Variants in BTK observed in about 807,000 individuals in gnomAD.
The protein encoded by BTK is tyrosine-protein kinase BTK.
BTK carries 5 observed loss-of-function variants against 57.4 expected under a neutral mutation model. The observed-to-expected ratio is 0.09, with a 90% confidence interval of 0.05 to 0.18. BTK has a LOEUF of 0.18. Ranked by LOEUF, BTK falls within the 10% of genes least tolerant of loss-of-function variation. The pLI, the probability that BTK is intolerant of heterozygous loss-of-function variation, is 1.00. For synonymous variants in BTK, 154 were observed against 174.3 expected (o/e 0.88, Z 0.92); for missense variants, 194 against 501.2 (o/e 0.39, Z 5.85).
intron 1 of BTK, among the ~76,000 whole-genome samples, chrX:101,381,892 CGTGGTG>C (rs1927441962): frequency 9.2e-6 from 1 of 108,904 alleles, no homozygotes; most frequent in African/African-American, 3.3e-5. Flanking sequence ...ATTAGCCTGG[CGTGGTG>C]GCGCGCACCT....
chrX:101,376,254 A>C (rs1927209932), intron 1 of BTK, among the ~76,000 whole-genome samples: 1 of 112,283 alleles, frequency 8.9e-6, no homozygotes. Flanking sequence ...TTATTCACTT[A>C]CAGTTTATGC....
chrX:101,384,045 G>T (rs782731020), intron 1 of BTK, among the ~76,000 whole-genome samples: 7 of 111,673 alleles, frequency 6.3e-5, no homozygotes, highest in Non-Finnish European at 1.1e-4. Context: ...TTAGCAATCA[G>T]ATCTCAGCAA....
At chrX:101,375,957 T>C (rs1474992546) in intron 1 of BTK, among the ~76,000 whole-genome samples, 7 of 85,705 alleles carry the variant, frequency 8.2e-5, no homozygotes, top group African/African-American at 1.1e-4. Context: ...GAAAACATAA[T>C]TTTTTTTGGT....
At chrX:101,388,699 G>A (rs1370907569), upstream of BTK, among the ~76,000 whole-genome samples, 1 of 112,101 alleles carries the variant, frequency 8.9e-6, no homozygotes, top group East Asian at 2.8e-4. Flanking sequence ...ATGACTCCAG[G>A]AGAAAGTGGA....
At chrX:101,357,805 G>C (rs1477559998) in intron 12 of BTK, among the ~76,000 whole-genome samples, 1 of 111,997 alleles carries the variant, frequency 8.9e-6, no homozygotes, top group Non-Finnish European at 1.9e-5. Flanking sequence ...CTGCCTAACT[G>C]AATATATTCC....
chrX:101,388,741 G>A (rs1394728174), upstream of BTK, among the ~76,000 whole-genome samples: 1 of 111,734 alleles, frequency 8.9e-6, no homozygotes, highest in Non-Finnish European at 1.9e-5. Context: ...ATGGTTCAGG[G>A]GTTTTTGCTG....
intron 3 of BTK, 61 bp from the exon 4 acceptor site, chrX:101,371,762 T>G (rs1474712051): frequency 6.1e-6 from 6 of 978,105 alleles, no homozygotes; most frequent in Non-Finnish European, 8.8e-6. Context: ...TGAATTTCCT[T>G]AGGTACTAGA....
chrX:101,350,637 G>A (rs1926253847), intron 18 of BTK, among the ~76,000 whole-genome samples: 1 of 109,668 alleles, frequency 9.1e-6, no homozygotes, highest in Non-Finnish European at 1.9e-5. Context: ...AGTATAGACC[G>A]GGTTTCACCA....
At chrX:101,389,911 T>C (rs143859848), upstream of BTK, among the ~76,000 whole-genome samples, 1,176 of 111,702 alleles carry the variant, frequency 0.011, 13 homozygotes, top group Non-Finnish European at 0.018. Context: ...AGGGGTAGTA[T>C]GTAAGGTGGT....
In BTK at chrX:101,358,290, C is replaced by T. The variant is rs1926552589; in HGVS notation, c.1102+20G>A. The stretch of plus-strand genomic sequence containing the variant: ...ATCCTGGTGTCTGTAACTCCCTTCT[C>T]AGTTGCCCCTGGTACTCACCTGCAG... On this transcript the variant is annotated intron_variant, in intron 12 of 18. Coordinates refer to ENST00000308731, the MANE Select transcript of BTK (RefSeq NM_000061.3). 1.6e-5 allele frequency: 19 copies of T among 1,211,897 alleles called. No individual in the cohort carries two copies. The highest frequency in any genetic ancestry group is 2.1e-5 in the Non-Finnish European group (19 of 895,437).
intron 1 of BTK, among the ~76,000 whole-genome samples, chrX:101,382,311 T>TTTTTTTTATTTATTTATTTATTTA (rs1555981882): frequency 3.8e-5 from 4 of 104,470 alleles, no homozygotes; most frequent in African/African-American, 1.5e-4. Flanking sequence ...GCAGTTCATG[T>TTTTTTTTATTTATTTATTTATTTA]TTTATTTATT....
Position 101,375,125 on chromosome X carries a change from T to C in BTK, c.141+19A>G. On this transcript the variant is annotated intron_variant, in intron 2 of 18. Transcript: ENST00000308731. ...TCCTTGATATCTTGAAACTCAGTTT[T>C]CATAGTCGAGAAACTTACCCCACGT... 1 of 1,210,940 alleles carries C rather than the reference T, an allele frequency of 8.3e-7. No individual in the cohort carries two copies. The highest frequency in any genetic ancestry group is 1.1e-6 in the Non-Finnish European group (1 of 894,734).
rs1477823613 is a variant in BTK, at chrX:101,362,552, AT to A, written c.520+8del. 1.7e-6 allele frequency: 2 copies of A among 1,210,061 alleles called. No homozygotes were observed. The highest frequency in any genetic ancestry group is 2.2e-5 in the Admixed American group (1 of 45,714). On this transcript the variant is annotated splice_region_variant and intron_variant, in intron 6 of 18. Coordinates refer to ENST00000308731, the MANE Select transcript of BTK (RefSeq NM_000061.3). ...AGGAGAAAGAAATTATATCGATCAG[AT>A]TGCTTACTTCCATTCCTGTTCTCCA...
upstream of BTK, among the ~76,000 whole-genome samples, chrX:101,388,156 G>A (rs782341902): frequency 9.0e-6 from 1 of 111,550 alleles, no homozygotes; most frequent in East Asian, 2.8e-4. Flanking sequence ...GTGAGCCACC[G>A]TGCCCAGGCT....
rs3027634 is a variant in BTK, at chrX:101,369,228, G to A, written c.391+770C>T. Among the ~76,000 whole-genome samples, 807 of 112,256 alleles carry A rather than the reference G, an allele frequency of 7.2e-3. 7 individuals are homozygous for A. Among genetic ancestry groups the A allele is most frequent in the African/African-American group, 0.025 (761 of 30,971 alleles). The stretch of plus-strand genomic sequence containing the variant: ...CAACAAAGAGATGTACAGTGCTTTC[G>A]TATACAGTGATTTACAGTTTTCCAT... On this transcript the variant is annotated intron_variant, in intron 5 of 18. Coordinates refer to ENST00000308731, the MANE Select transcript of BTK (RefSeq NM_000061.3).
upstream of BTK, chrX:101,390,450 C>CATT (rs1555983053): frequency 1.9e-6 from 1 of 513,444 alleles, no homozygotes; most frequent in Non-Finnish European, 3.5e-6. Context: ...CATAATTGCA[C>CATT]ATTTATAAGC....
rs1603005179 is a variant in BTK, at chrX:101,356,904, G to A, written c.1229C>T (p.Thr410Ile). The A allele has an allele frequency of 8.3e-7, 1 of 1,211,665 alleles. No individual in the cohort carries two copies. The highest frequency in any genetic ancestry group is 1.1e-6 in the Non-Finnish European group (1 of 895,428). The change falls in exon 14 of 19, where the codon ACT becomes ATT. Residue 410 changes from threonine (T) to isoleucine (I), a missense_variant. Around this residue, in one of 3 missense-constraint regions of BTK, gnomAD observed 79 missense variants for 217.7 expected, o/e 0.36. Coordinates refer to ENST00000308731, the MANE Select transcript of BTK (RefSeq NM_000061.3). Reference protein sequence around the residue: ...KDLTFLKELGTGQFGVVKYGK... With the variant: ...KDLTFLKELGIGQFGVVKYGK... The stretch of plus-strand genomic sequence containing the variant: ...ATACTTCACTACCCCAAATTGTCCA[G>A]TCCCCAGCTCCTTCAAGAAGGTCAG...
chrX:101,365,622 T>C (rs1356647900), intron 5 of BTK, among the ~76,000 whole-genome samples: 9 of 112,604 alleles, frequency 8.0e-5, no homozygotes, highest in Non-Finnish European at 1.5e-4. Context: ...CTTGATGGGC[T>C]GGTCTTTTCT....
intron 18 of BTK, chrX:101,352,944 T>A: frequency 2.9e-6 from 1 of 348,314 alleles, no homozygotes; most frequent in Non-Finnish European, 5.0e-6. Flanking sequence ...TGCACGCCTA[T>A]AATCCCAGCT....
Sources: allele counts gnomAD v4.1 joint callset (sites outside exome capture counted in the v4.1 genomes callset), GRCh38; gene constraint gnomAD v4.1.1; regional missense constraint gnomAD v4.1.1; transcripts MANE v1.5; gene names NCBI Gene and HGNC (gene_info 2026-07-23, HGNC 2026-07-21).